IL2RB: variants seen among roughly 807,000 people sequenced by gnomAD.
The protein encoded by IL2RB is interleukin-2 receptor subunit beta.
A neutral mutation model predicts 44.2 loss-of-function variants in IL2RB; 17 were observed. The observed-to-expected ratio is 0.38, with a 90% CI of 0.26 to 0.58. IL2RB has a LOEUF of 0.58. Ranked by LOEUF, IL2RB falls within the 20% of genes least tolerant of loss-of-function variation. IL2RB has a pLI of 0.63. For missense variants in IL2RB, 624 were observed against 685.5 expected (o/e 0.91, Z 1.00); for synonymous variants, 286 against 297.9 (o/e 0.96, Z 0.41).
chr22:37,133,393 AG>A (rs1254487939), intron 8 of IL2RB, among the ~76,000 whole-genome samples: 2 of 152,182 alleles, frequency 1.3e-5, no homozygotes, highest in African/African-American at 4.8e-5. Context: ...CTCCAGGACG[AG>A]GGTCAGGAGA....
At chr22:37,160,266 G>C (rs1427234459) in intron 1 of IL2RB, among the ~76,000 whole-genome samples, 6 of 152,208 alleles carry the variant, frequency 3.9e-5, no homozygotes, top group African/African-American at 1.4e-4. Context: ...CCGTGGCTAA[G>C]GGAGCATCAC....
chr22:37,128,036 G>T lies in IL2RB; in HGVS notation c.*60C>A, dbSNP rs1921209870. 2 of 1,390,634 alleles carry T rather than the reference G, an allele frequency of 1.4e-6. No individual in the cohort carries two copies. Among genetic ancestry groups the T allele is most frequent in the South Asian group, 1.7e-5 (1 of 60,462 alleles). The allele number at this position is 1,390,634 out of a possible 1,614,324, so 86.1% of individuals were successfully genotyped here. On this transcript the variant is annotated 3_prime_UTR_variant, in exon 10 of 10. Coordinates refer to ENST00000216223, the MANE Select transcript of IL2RB (RefSeq NM_000878.5). This position sits in a 1 kb window ranked among gnomAD's most constrained non-coding sequence, Gnocchi z 4.5. ...GCAGTGGACTGAGGACCCTCAACAG[G>T]GTCCTTCTGAGGCTCGGCGCAGAGC...
chr22:37,156,705 C>G (rs1922691664), intron 1 of IL2RB, among the ~76,000 whole-genome samples: 1 of 152,250 alleles, frequency 6.6e-6, no homozygotes, highest in Non-Finnish European at 1.5e-5. Context: ...GCCAACCAAG[C>G]TGCAGAGGAG....
chr22:37,154,501 C>G (rs1391191286), upstream of IL2RB, among the ~76,000 whole-genome samples: 6 of 151,818 alleles, frequency 4.0e-5, no homozygotes, highest in Admixed American at 3.9e-4. Flanking sequence ...GTGATTTATT[C>G]TACTTCTAGG....
At chr22:37,131,972 G>A (rs1921453423) in intron 9 of IL2RB, among the ~76,000 whole-genome samples, 1 of 152,174 alleles carries the variant, frequency 6.6e-6, no homozygotes, top group African/African-American at 2.4e-5. Context: ...CTGACCTCGT[G>A]ATCTACCTGC....
chr22:37,164,287 C>A, intron 1 of IL2RB, among the ~76,000 whole-genome samples: 1 of 152,062 alleles, frequency 6.6e-6, no homozygotes, highest in Non-Finnish European at 1.5e-5. Flanking sequence ...CCAGAAGAGA[C>A]CTGGCCAGTG....
chr22:37,144,129 A>G lies in IL2RB; in HGVS notation c.44T>C (p.Leu15Pro), dbSNP rs1471596848. Residue 15 changes from leucine (L) to proline (P), a missense_variant, in exon 2 of 10, where the codon CTC becomes CCC. Coordinates refer to ENST00000216223, the MANE Select transcript of IL2RB (RefSeq NM_000878.5). ...ALSWRLPLLI[L>P]LLPLATSWAS... ...CCAAGAGGTAGCCAGGGGCAGGAGG[A>G]GGATGAGGAGGGGCAGACGCCAGGA... 6.4e-7 allele frequency: 1 copy of G among 1,552,346 alleles called. No individual in the cohort carries two copies. The highest frequency in any genetic ancestry group is 8.7e-7 in the Non-Finnish European group (1 of 1,147,256).
In IL2RB at chr22:37,125,869, A is replaced by C. The variant is rs1555895763; in HGVS notation, c.*2227T>G. 6.6e-6 allele frequency: 1 copy of C among 152,188 alleles called. No homozygotes were observed. The highest frequency in any genetic ancestry group is 1.5e-5 in the Non-Finnish European group (1 of 68,026). 9.4% of individuals were successfully genotyped at this position (152,188 alleles called of 1,614,324 possible). On this transcript the variant is annotated 3_prime_UTR_variant, in exon 10 of 10. Coordinates refer to ENST00000216223, the MANE Select transcript of IL2RB (RefSeq NM_000878.5). ...TGCATTGTACTTATTTTGTACAGTTACCTTTTATTTATAGCGAAAATGGGT... is the reference window on the plus strand; with the variant it reads ...TGCATTGTACTTATTTTGTACAGTTCCCTTTTATTTATAGCGAAAATGGGT...
chr22:37,129,795 G>A (rs1383372408), intron 9 of IL2RB, among the ~76,000 whole-genome samples: 2 of 152,170 alleles, frequency 1.3e-5, no homozygotes, highest in African/African-American at 4.8e-5. Context: ...GGTGTGGCAG[G>A]GGCCTCGGGT....
In IL2RB at chr22:37,125,893, G is replaced by GT. The variant is rs532026807; in HGVS notation, c.*2202dup. 88 of 152,150 alleles carry GT rather than the reference G, an allele frequency of 5.8e-4. No homozygotes were observed. The highest frequency in any genetic ancestry group is 1.9e-3 in the African/African-American group (78 of 41,492). The allele number at this position is 152,150 out of a possible 1,614,324, so 9.4% of individuals were successfully genotyped here. A position where few individuals can be genotyped will look rare whatever the true frequency, so the allele number is the denominator to read the frequency against. Reference sequence around the variant, plus strand: ...TACCTTTTATTTATAGCGAAAATGGGTTTTTTCATTTACAGAGTAACAAAG... The same window carrying GT: ...TACCTTTTATTTATAGCGAAAATGGGTTTTTTTCATTTACAGAGTAACAAAG... On this transcript the variant is annotated 3_prime_UTR_variant, in exon 10 of 10. Coordinates refer to ENST00000216223, the MANE Select transcript of IL2RB (RefSeq NM_000878.5).
chr22:37,154,559 A>C (rs1249563301), upstream of IL2RB, among the ~76,000 whole-genome samples: 2 of 146,954 alleles, frequency 1.4e-5, no homozygotes, highest in East Asian at 2.0e-4. Context: ...TAATCCCTCT[A>C]TCTCTCTTTT....
At chr22:37,130,278 A>T (rs1405003677) in intron 9 of IL2RB, among the ~76,000 whole-genome samples, 1 of 152,216 alleles carries the variant, frequency 6.6e-6, no homozygotes, top group Non-Finnish European at 1.5e-5. Flanking sequence ...GCAGCCAGAG[A>T]GGGAGCGGCC....
At chr22:37,168,694 T>G (rs2145742170) in intron 1 of IL2RB, among the ~76,000 whole-genome samples, 1 of 152,086 alleles carries the variant, frequency 6.6e-6, no homozygotes, top group Middle Eastern at 3.4e-3. Flanking sequence ...TGGGGATGAG[T>G]GTTCCATAGG....
chr22:37,155,790 T>A (rs575355606), intron 1 of IL2RB, among the ~76,000 whole-genome samples: 5 of 152,194 alleles, frequency 3.3e-5, no homozygotes, highest in African/African-American at 1.2e-4. Flanking sequence ...CTTGCTCCTA[T>A]AACTACTTCT....
chr22:37,171,986 T>C (rs1486417677), intron 1 of IL2RB, among the ~76,000 whole-genome samples: 1 of 152,118 alleles, frequency 6.6e-6, no homozygotes, highest in Non-Finnish European at 1.5e-5. Context: ...GGGTCAGAGC[T>C]TTCCCCTGGG....
At chr22:37,157,781 G>A (rs1490913845) in intron 1 of IL2RB, among the ~76,000 whole-genome samples, 1 of 152,088 alleles carries the variant, frequency 6.6e-6, no homozygotes, top group African/African-American at 2.4e-5. Context: ...TGGACAACAG[G>A]AACAGTGTGG....
chr22:37,135,361 T>C lies in IL2RB; in HGVS notation c.785A>G (p.Tyr262Cys). 6.2e-7 allele frequency: 1 copy of C among 1,613,682 alleles called. No individual in the cohort carries two copies. The highest frequency in any genetic ancestry group is 8.5e-7 in the Non-Finnish European group (1 of 1,179,748). Residue 262 changes from tyrosine (Y) to cysteine (C), a missense_variant, in exon 8 of 10, where the codon TAC becomes TGC. Physicochemically the swap from Tyr to Cys is radical, Grantham distance 194. Transcript: ENST00000216223. ...GGTGTTCCTGCAGTTGATCAGCAAG[T>C]ACACTAAGATGATGAAGCCAAAAGC... ...SGAFGFIILV[Y>C]LLINCRNTGP...
chr22:37,164,430 T>G (rs1380552744), intron 1 of IL2RB, among the ~76,000 whole-genome samples: 1 of 142,298 alleles, frequency 7.0e-6, no homozygotes, highest in Non-Finnish European at 1.5e-5. Flanking sequence ...TGAAGTCATC[T>G]GTGCCGTTCC....
intron 3 of IL2RB, 28 bp downstream of exon 3, chr22:37,143,493 G>T: frequency 7.0e-7 from 1 of 1,427,466 alleles, no homozygotes; most frequent in South Asian, 1.1e-5. Flanking sequence ...ACCATCCTAA[G>T]ATTCTGCAGT....
Sources: allele counts gnomAD v4.1 joint callset (sites outside exome capture counted in the v4.1 genomes callset), GRCh38; gene constraint gnomAD v4.1.1; non-coding constraint Gnocchi (gnomAD v3.1); transcripts MANE v1.5; gene names NCBI Gene and HGNC (gene_info 2026-07-23, HGNC 2026-07-21).